Variants in TRMT1L observed in about 807,000 individuals in gnomAD.
TRMT1L encodes the protein tRNA methyltransferase 1L.
A neutral mutation model predicts 81.6 loss-of-function variants in TRMT1L; 28 were observed. The observed-to-expected ratio is 0.34, with a 90% CI of 0.25 to 0.47. The LOEUF (loss-of-function observed/expected upper bound fraction) is 0.47. TRMT1L is among the 20% of genes least tolerant of loss of function. The pLI is 1.00. For missense variants in TRMT1L, 739 were observed against 877.1 expected (o/e 0.84, Z 1.99); for synonymous variants, 301 against 303.2 (o/e 0.99, Z 0.07).
chr1:185,147,165 A>G lies in TRMT1L; in HGVS notation c.525+17T>C. 6.3e-7 allele frequency: 1 copy of G among 1,575,408 alleles called. No individual in the cohort carries two copies. Among genetic ancestry groups the G allele is most frequent in the South Asian group, 1.2e-5 (1 of 86,088 alleles). On this transcript the variant is annotated intron_variant, in intron 4 of 14. Transcript: ENST00000367506. ...AAGGACTAAATTTAAAAATAAAAAA[A>G]TCTAATATCTGATCACCTGTTCTCC...
At chr1:185,138,180 A>T (rs1479002730) in intron 9 of TRMT1L, among the ~76,000 whole-genome samples, 1 of 152,184 alleles carries the variant, frequency 6.6e-6, no homozygotes, top group Non-Finnish European at 1.5e-5. Flanking sequence ...TAATGACTAT[A>T]TGCAGGATAG....
At chr1:185,139,640 G>A (rs904394714) in intron 8 of TRMT1L, 61 bp from the exon 9 acceptor site, 1 of 1,111,212 alleles carries the variant, frequency 9.0e-7, no homozygotes, top group East Asian at 2.6e-5. Flanking sequence ...TTATACCACT[G>A]TAATTATTTC....
In TRMT1L at chr1:185,156,613, C is replaced by T. The variant is rs1287053090; in HGVS notation, c.100G>A (p.Val34Ile). 6.2e-7 allele frequency: 1 copy of T among 1,601,880 alleles called. No individual in the cohort carries two copies. Among genetic ancestry groups the T allele is most frequent in the Non-Finnish European group, 8.5e-7 (1 of 1,174,224 alleles). The change falls in exon 1 of 15, where the codon GTC (valine) becomes ATC (isoleucine). Residue 34 changes from valine to isoleucine, a missense_variant. Around this residue, in one of 4 missense-constraint regions of TRMT1L, gnomAD observed 209 missense variants for 165.4 expected, o/e 1.26. Transcript: ENST00000367506. ...VPTPARDSAG[V>I]PAPAPDSALD... ...GCCGAATCCGGGGCCGGAGCTGGGA[C>T]CCCAGCCGAGTCCCGGGCCGGGGTC...
Position 185,156,856 on chromosome 1 carries a change from A to C in TRMT1L, c.-144T>G. The C allele has an allele frequency of 8.6e-7, 1 of 1,163,830 alleles. No individual in the cohort carries two copies. The highest frequency in any genetic ancestry group is 1.2e-6 in the Non-Finnish European group (1 of 852,208). The allele number at this position is 1,163,830 out of a possible 1,614,324, so 72.1% of individuals were successfully genotyped here. ...GGGCGGGATGCGTGCAACAGACAAA[A>C]GATGAAGAACCAGTGACCAAATCCT... On this transcript the variant is annotated 5_prime_UTR_variant, in exon 1 of 15. Coordinates refer to ENST00000367506, the MANE Select transcript of TRMT1L (RefSeq NM_030934.5).
At chr1:185,131,603 AG>A (rs1652772290) in intron 10 of TRMT1L, among the ~76,000 whole-genome samples, 1 of 152,136 alleles carries the variant, frequency 6.6e-6, no homozygotes, top group South Asian at 2.1e-4. Flanking sequence ...AGAAAAAAAA[AG>A]GAACAGTGAA....
Position 185,156,585 on chromosome 1 carries a change from A to G in TRMT1L, c.128T>C (p.Leu43Pro). ...CGAGGCCGGAGTCGGAGCCGAGTCCAGAGCCGAATCCGGGGCCGGAGCTGG... is the reference window on the plus strand; with the variant it reads ...CGAGGCCGGAGTCGGAGCCGAGTCCGGAGCCGAATCCGGGGCCGGAGCTGG... The part of the protein sequence containing the change: ...GVPAPAPDSA[L>P]DSAPTPASAP... Residue 43 changes from leucine to proline, a missense_variant, in exon 1 of 15, where the codon CTG (leucine) becomes CCG (proline). Leu to Pro is a moderately conservative substitution (Grantham distance 98). This residue lies in a region of TRMT1L where 209 missense variants were observed against 165.4 expected (regional missense o/e 1.26). Transcript: ENST00000367506. The G allele has an allele frequency of 6.3e-7, 1 of 1,599,672 alleles. No individual in the cohort carries two copies. The highest frequency in any genetic ancestry group is 8.5e-7 in the Non-Finnish European group (1 of 1,173,300).
At position 185,156,789 on chromosome 1, in the gene TRMT1L, G is replaced by A. The variant is rs1253351090; in HGVS notation, c.-77C>T. The A allele has an allele frequency of 3.8e-6, 6 of 1,579,794 alleles. No individual in the cohort carries two copies. The Admixed American group carries it at 7.3e-5, about 19-fold the overall frequency. ...GCGGGGTCAGAGAACTGACGTGAAT[G>A]CCCACAGGGCTGGATCCAAGGAGTG... On this transcript the variant is annotated 5_prime_UTR_variant, in exon 1 of 15. Transcript: ENST00000367506.
rs766384504 is a variant in TRMT1L at position 185,137,705 on chromosome 1, G to T, written c.1414C>A (p.Pro472Thr). 6.2e-7 allele frequency: 1 copy of T among 1,614,006 alleles called. No homozygotes were observed. Among genetic ancestry groups the T allele is most frequent in the Admixed American group, 1.7e-5 (1 of 60,010 alleles). The change falls in exon 10 of 15, where the codon CCT becomes ACT. Residue 472 changes from proline to threonine, a missense_variant. This residue lies in a region of TRMT1L where 331 missense variants were observed against 462.2 expected (regional missense o/e 0.72). Transcript: ENST00000367506. ...TTGGCTGTTTCATCTGCTGAAGTAG[G>T]TCCCCTCAAAACTCTCACAACTACC... ...VLVVVRVLRG[P>T]TSADETAKKI...
At position 185,156,922 on chromosome 1, in the gene TRMT1L, G is replaced by C; in HGVS notation, c.-210C>G. On this transcript the variant is annotated 5_prime_UTR_variant, in exon 1 of 15. Coordinates refer to ENST00000367506, the MANE Select transcript of TRMT1L (RefSeq NM_030934.5). The stretch of plus-strand genomic sequence containing the variant: ...AAAGCCAGAGGCAGCGATTCCAGAT[G>C]CCCGTCCGCTTCCCTTTCCCCGAGG... The C allele has an allele frequency of 1.5e-6, 1 of 649,346 alleles. No individual in the cohort carries two copies. The highest frequency in any genetic ancestry group is 3.3e-5 in the East Asian group (1 of 30,442). 40.2% of individuals were successfully genotyped at this position (649,346 alleles called of 1,614,324 possible).
At chr1:185,146,835 A>G (rs913967904) in intron 4 of TRMT1L, among the ~76,000 whole-genome samples, 4 of 152,208 alleles carry the variant, frequency 2.6e-5, no homozygotes, top group African/African-American at 7.2e-5. Context: ...ATATTTACTA[A>G]ATCACAGAAA....
At chr1:185,126,150 T>TG (rs763091360) in intron 11 of TRMT1L, among the ~76,000 whole-genome samples, 44 of 152,026 alleles carry the variant, frequency 2.9e-4, no homozygotes, top group Non-Finnish European at 5.9e-4. Flanking sequence ...AGGCTGAACT[T>TG]GAATTCCTGG....
In TRMT1L at chr1:185,137,786, G is replaced by A. The variant is rs746929885; in HGVS notation, c.1333C>T (p.Arg445Ter). ...AGTACTTCTATGCCTTTGTTGCATC[G>A]GGCTGCAGCTCTACAATAAATTTTT... Reference protein sequence around the residue: ...VVAAVARAAARCNKGIEVLFA... With the variant: ...VVAAVARAAA Residue 445 changes from arginine to a stop codon, truncating the protein, a stop_gained, in exon 10 of 15, where the codon CGA becomes TGA. Coordinates refer to ENST00000367506, the MANE Select transcript of TRMT1L (RefSeq NM_030934.5). LOFTEE classifies it high-confidence loss of function. 7 of 1,611,514 alleles carry A rather than the reference G, an allele frequency of 4.3e-6. No individual in the cohort carries two copies. Among genetic ancestry groups the A allele is most frequent in the Non-Finnish European group, 5.9e-6 (7 of 1,179,352 alleles).
intron 4 of TRMT1L, among the ~76,000 whole-genome samples, chr1:185,146,551 C>A (rs1162585009): frequency 6.6e-6 from 1 of 151,986 alleles, no homozygotes; most frequent in Non-Finnish European, 1.5e-5. Flanking sequence ...TTGACTACTA[C>A]TTACAGAATA....
At chr1:185,137,462 C>T (rs199882963) in intron 10 of TRMT1L, 144 bp downstream of exon 10, 70 of 844,864 alleles carry the variant, frequency 8.3e-5, no homozygotes, top group Non-Finnish European at 1.1e-4. Context: ...TGTCTGTTGA[C>T]GAAAGGAAAT....
upstream of TRMT1L, chr1:185,157,450 G>A (rs1466397183): frequency 6.6e-6 from 1 of 152,628 alleles, no homozygotes; most frequent in African/African-American, 2.4e-5. Context: ...GCGACTCTGT[G>A]GGCGGGTCCG....
intron 13 of TRMT1L, among the ~76,000 whole-genome samples, chr1:185,121,300 A>G (rs1308451490): frequency 1.3e-5 from 2 of 152,142 alleles, no homozygotes; most frequent in African/African-American, 4.8e-5. Context: ...CTTAAGCAAA[A>G]TATTCAGAAG....
intron 11 of TRMT1L, among the ~76,000 whole-genome samples, chr1:185,127,792 A>G (rs1486092987): frequency 1.3e-5 from 2 of 149,526 alleles, no homozygotes; most frequent in Non-Finnish European, 3.0e-5. Flanking sequence ...AAGAATCTCT[A>G]GTAACAAACT....
intron 7 of TRMT1L, 120 bp from the exon 8 acceptor site, chr1:185,140,342 A>T: frequency 1.1e-6 from 1 of 881,438 alleles, no homozygotes; most frequent in East Asian, 2.7e-5. Flanking sequence ...TGTTTTCATG[A>T]ATCTTATTCC....
rs901657176 is a variant in TRMT1L at position 185,124,839 on chromosome 1, A to G, written c.1759+105T>C. ...AGAGAAGATTTACTAAAAACACACT[A>G]TTTATAATTATATTGGTTTTATTAT... On this transcript the variant is annotated intron_variant, in intron 12 of 14. Coordinates refer to ENST00000367506, the MANE Select transcript of TRMT1L (RefSeq NM_030934.5). 5.4e-6 allele frequency: 6 copies of G among 1,106,944 alleles called. No individual in the cohort carries two copies. The African/African-American group carries it at 9.5e-5, about 18-fold the overall frequency. 68.6% of individuals were successfully genotyped at this position (1,106,944 alleles called of 1,614,324 possible).
Sources: gnomAD v4.1 joint callset for allele counts (sites outside exome capture counted in the v4.1 genomes callset) on GRCh38, gnomAD v4.1.1 for gene constraint, gnomAD v4.1.1 regional missense constraint, MANE v1.5 for transcripts, NCBI Gene and HGNC (gene_info 2026-07-23, HGNC 2026-07-21) for gene names.